The following TG variants were observed in gnomAD, a reference collection of about 807,000 sequenced individuals.
The protein encoded by TG is thyroglobulin.
TG carries 270 observed loss-of-function variants against 324.7 expected under a neutral mutation model. That is an observed-to-expected ratio of 0.83 (90% CI 0.75 to 0.92). TG has a LOEUF of 0.92. TG is among the 40% of genes least tolerant of loss of function. The pLI is 0.00. For missense variants in TG, 3,591 were observed against 3,456.4 expected (o/e 1.04, Z -0.98); for synonymous variants, 1,401 against 1,327.0 (o/e 1.06, Z -1.21).
At chr8:132,935,943 A>T (rs993287631) in intron 25 of TG, 79 bp downstream of exon 25, 4 of 1,136,686 alleles carry the variant, frequency 3.5e-6, no homozygotes, top group Non-Finnish European at 5.3e-6. Context: ...CAGCAGGTGC[A>T]TGTGAGGAGG....
intron 42 of TG, among the ~76,000 whole-genome samples, chr8:133,095,742 T>A (rs1334272648): frequency 6.6e-6 from 1 of 152,244 alleles, no homozygotes; most frequent in Non-Finnish European, 1.5e-5. Context: ...TTAGCAGGAA[T>A]AATTGTCATG....
At chr8:132,915,505 G>A (rs969160267) in intron 20 of TG, among the ~76,000 whole-genome samples, 2 of 152,160 alleles carry the variant, frequency 1.3e-5, no homozygotes, top group Admixed American at 6.5e-5. Flanking sequence ...GTCAGGGCAC[G>A]GGGCTTCCGA....
At chr8:132,941,592 A>G in intron 26 of TG, 50 bp downstream of exon 26, 1 of 1,609,308 alleles carries the variant, frequency 6.2e-7, no homozygotes. Flanking sequence ...GGGAGCACAC[A>G]GGGATGCAGA....
intron 41 of TG, among the ~76,000 whole-genome samples, chr8:133,034,440 G>C (rs947075102): frequency 2.0e-5 from 3 of 152,136 alleles, no homozygotes; most frequent in Admixed American, 2.0e-4. Context: ...GAAAATACTA[G>C]TGTTAGGAAA....
intron 45 of TG, among the ~76,000 whole-genome samples, chr8:133,125,750 A>G (rs1351280747): frequency 1.3e-5 from 2 of 152,192 alleles, no homozygotes; most frequent in Non-Finnish European, 2.9e-5. Context: ...GGACACTTGA[A>G]TTGTGGCACT....
chr8:132,945,524 T>A (rs1210143066), intron 26 of TG, among the ~76,000 whole-genome samples: 5 of 152,124 alleles, frequency 3.3e-5, no homozygotes, highest in African/African-American at 4.8e-5. Flanking sequence ...CAGCTGAGTT[T>A]TTAGATGCAA....
At chr8:133,004,440 G>C (rs1337931240) in intron 35 of TG, among the ~76,000 whole-genome samples, 1 of 152,150 alleles carries the variant, frequency 6.6e-6, no homozygotes, top group Admixed American at 6.5e-5. Flanking sequence ...GGCTGCCTCT[G>C]TAACCTTGGG....
chr8:133,017,652 T>G (rs1239123254), intron 37 of TG, 126 bp from the exon 38 acceptor site: 1 of 912,324 alleles, frequency 1.1e-6, no homozygotes, highest in Admixed American at 1.9e-5. Context: ...AATGAATGAT[T>G]GACATTTTCA....
intron 21 of TG, among the ~76,000 whole-genome samples, chr8:132,922,865 A>G (rs1821306152): frequency 6.6e-6 from 1 of 152,190 alleles, no homozygotes; most frequent in Non-Finnish European, 1.5e-5. Context: ...CCACCTGCTA[A>G]TACCGTCACA....
intron 20 of TG, among the ~76,000 whole-genome samples, chr8:132,914,769 C>T (rs897233305): frequency 1.3e-5 from 2 of 152,144 alleles, no homozygotes; most frequent in Non-Finnish European, 2.9e-5. Context: ...ATCAGAGCTG[C>T]CCAAACCAAG....
At chr8:133,072,392 A>G (rs142332582) in intron 41 of TG, among the ~76,000 whole-genome samples, 34 of 152,326 alleles carry the variant, frequency 2.2e-4, no homozygotes, top group African/African-American at 8.2e-4. Flanking sequence ...AGTCGATCAC[A>G]TGATGTGACC....
chr8:132,961,202 A>C, intron 28 of TG, 129 bp downstream of exon 28: 1 of 942,334 alleles, frequency 1.1e-6, no homozygotes, highest in East Asian at 2.5e-5. Flanking sequence ...CCAAATGCAT[A>C]CTTTCTGTGG....
At position 132,898,854 on chromosome 8, in the gene TG, G is replaced by A; in HGVS notation, c.3274G>A (p.Ala1092Thr). The A allele has an allele frequency of 6.2e-7, 1 of 1,614,184 alleles. No homozygotes were observed. Among genetic ancestry groups the A allele is most frequent in the Non-Finnish European group, 8.5e-7 (1 of 1,180,044 alleles). Residue 1092 changes from alanine (A) to threonine (T), a missense_variant, in exon 14 of 48, where the codon GCT (alanine) becomes ACT (threonine). Transcript: ENST00000220616. ...TGGGCTGCTTTCCAGTTGGAAACAG[G>A]CTAGATCCCAAGAAAACCCATCTCC... ...TSGLLSSWKQ[A>T]RSQENPSPKD...
intron 23 of TG, among the ~76,000 whole-genome samples, chr8:132,930,058 T>C (rs867166780): frequency 4.6e-5 from 7 of 152,352 alleles, no homozygotes; most frequent in Middle Eastern, 3.4e-3. Flanking sequence ...CACTGCATTA[T>C]GCCTGCCTCA....
At chr8:133,055,216 G>A (rs574952489) in intron 41 of TG, among the ~76,000 whole-genome samples, 1 of 152,210 alleles carries the variant, frequency 6.6e-6, no homozygotes, top group African/African-American at 2.4e-5. Context: ...AGCAGCTCAG[G>A]GCAACTGGTG....
At chr8:133,069,430 G>T (rs1843612575) in intron 41 of TG, among the ~76,000 whole-genome samples, 1 of 152,166 alleles carries the variant, frequency 6.6e-6, no homozygotes, top group African/African-American at 2.4e-5. Flanking sequence ...CAGGCATTTG[G>T]TCTAATGGGG....
At chr8:132,920,027 T>C (rs187618055) in intron 21 of TG, among the ~76,000 whole-genome samples, 1 of 152,308 alleles carries the variant, frequency 6.6e-6, no homozygotes, top group Admixed American at 6.5e-5. Flanking sequence ...TTGATCTTGG[T>C]TTTATCTGAT....
rs147253057 is a variant in TG at position 132,989,518 on chromosome 8, C to G, written c.6262+6106C>G. ...TGGAGCGAAGAGAGATGTCTCGTTA[C>G]AGTTTGTCCTGCTCAGCTTTCCAGC... On this transcript the variant is annotated intron_variant, in intron 35 of 47. Transcript: ENST00000220616. Among the ~76,000 whole-genome samples, 270 of 152,304 alleles carry G rather than the reference C, an allele frequency of 1.8e-3. 2 individuals are homozygous for G. The highest frequency in any genetic ancestry group is 6.3e-3 in the African/African-American group (261 of 41,554).
chr8:132,905,616 C>A (rs1262745245), intron 16 of TG, among the ~76,000 whole-genome samples: 1 of 152,126 alleles, frequency 6.6e-6, no homozygotes, highest in African/African-American at 2.4e-5. Context: ...ATTTACTTAA[C>A]TCATATTCAT....
Sources: gnomAD v4.1 joint callset for allele counts (sites outside exome capture counted in the v4.1 genomes callset) on GRCh38, gnomAD v4.1.1 for gene constraint, MANE v1.5 for transcripts, NCBI Gene and HGNC (gene_info 2026-07-23, HGNC 2026-07-21) for gene names.